C5orf58: variants seen among roughly 807,000 people sequenced by gnomAD.
The protein encoded by C5orf58 is chromosome 5 open reading frame 58.
In C5orf58, 2 loss-of-function variants were observed where a neutral mutation model predicts 2.9. The observed-to-expected ratio is 0.69, with a 90% CI of 0.28 to 2.18. The LOEUF (loss-of-function observed/expected upper bound fraction) is 2.18, where lower values mean the gene tolerates loss of function less well. Among genes scored for constraint, C5orf58 ranks in the 30% most tolerant of loss-of-function variants. The pLI is 0.13. For missense variants in C5orf58, 96 were observed against 91.7 expected (o/e 1.05, Z -0.19); for synonymous variants, 37 against 33.4 (o/e 1.11, Z -0.37).
chr5:170,235,463 C>T (rs1760704733), intron 3 of C5orf58, among the ~76,000 whole-genome samples: 1 of 152,180 alleles, frequency 6.6e-6, no homozygotes, highest in South Asian at 2.1e-4. Context: ...CTTAAAGCTT[C>T]TTCATTTTAA....
chr5:170,244,250 A>T (rs1186512730), intron 3 of C5orf58, among the ~76,000 whole-genome samples: 2 of 145,394 alleles, frequency 1.4e-5, no homozygotes, highest in African/African-American at 5.1e-5. Flanking sequence ...TCTGACAATT[A>T]TGTGTCTTGG....
At position 170,234,245 on chromosome 5, in the gene C5orf58, G is replaced by A. The variant is rs74843794; in HGVS notation, c.-1+47G>A. 4.8e-3 allele frequency: 5,644 copies of A among 1,178,844 alleles called. 232 individuals are homozygous for A. The African/African-American group carries it at 0.08, about 17-fold the overall frequency. 73.0% of individuals were successfully genotyped at this position (1,178,844 alleles called of 1,614,324 possible). On this transcript the variant is annotated intron_variant, in intron 2 of 3. Coordinates refer to ENST00000593851, the MANE Select transcript of C5orf58 (RefSeq NM_001102609.3). ...TGGACAAGCAGCTTGACCCATGACT[G>A]CCCACCTTTCACACTGCTGGAGTTG...
exon 3 of C5orf58, chr5:170,251,810 G>A (rs56860754): frequency 1.2e-5 from 4 of 329,560 alleles, no homozygotes; most frequent in Middle Eastern, 4.0e-4. Flanking sequence ...CCCAGGAATC[G>A]GGATTTTTCA....
intron 3 of C5orf58, among the ~76,000 whole-genome samples, chr5:170,238,877 A>G (rs1026087013): frequency 6.6e-6 from 1 of 152,226 alleles, no homozygotes; most frequent in Admixed American, 6.5e-5. Context: ...TCCCTCTGGA[A>G]GTTACTGAGC....
At chr5:170,244,901 C>T (rs1028109137) in intron 3 of C5orf58, among the ~76,000 whole-genome samples, 50 of 151,820 alleles carry the variant, frequency 3.3e-4, no homozygotes, top group African/African-American at 1.1e-3. Flanking sequence ...TTTTCCCCAT[C>T]TTTGTGGTTT....
chr5:170,243,286 T>C (rs1266691293), intron 3 of C5orf58, among the ~76,000 whole-genome samples: 1 of 144,144 alleles, frequency 6.9e-6, no homozygotes, highest in African/African-American at 2.6e-5. Flanking sequence ...TGTAGATGTC[T>C]ATTAGGTCCG....
In C5orf58 at chr5:170,234,258, A is replaced by G. The variant is rs1760648884; in HGVS notation, c.-1+60A>G. On this transcript the variant is annotated intron_variant, in intron 2 of 3. Transcript: ENST00000593851. ...TGACCCATGACTGCCCACCTTTCACACTGCTGGAGTTGTGTATGCTAATTG... is the reference window on the plus strand; with the variant it reads ...TGACCCATGACTGCCCACCTTTCACGCTGCTGGAGTTGTGTATGCTAATTG... 3 of 1,031,514 alleles carry G rather than the reference A, an allele frequency of 2.9e-6. No homozygotes were observed. The South Asian group carries it at 3.7e-5, about 13-fold the overall frequency. The allele number at this position is 1,031,514 out of a possible 1,614,324, so 63.9% of individuals were successfully genotyped here.
chr5:170,238,287 C>T (rs1338001223), intron 3 of C5orf58, among the ~76,000 whole-genome samples: 1 of 152,070 alleles, frequency 6.6e-6, no homozygotes, highest in Non-Finnish European at 1.5e-5. Flanking sequence ...AAAGGAACTA[C>T]ATACTATAAA....
At chr5:170,248,657 C>G, downstream of C5orf58, 1 of 1,607,512 alleles carries the variant, frequency 6.2e-7, no homozygotes, top group Non-Finnish European at 8.5e-7. Flanking sequence ...GTGTTGGCAA[C>G]AGAGGCAGGA....
chr5:170,240,598 C>T (rs1319721933), intron 3 of C5orf58, among the ~76,000 whole-genome samples: 4 of 151,926 alleles, frequency 2.6e-5, no homozygotes, highest in South Asian at 2.1e-4. Context: ...TGTTCATGTC[C>T]TTCGCCCACT....
downstream of C5orf58, chr5:170,247,592 A>G (rs1457299346): frequency 6.6e-6 from 1 of 152,224 alleles, no homozygotes; most frequent in Non-Finnish European, 1.5e-5. Flanking sequence ...CAGTTTTTTA[A>G]TCTGGCTGAA....
downstream of C5orf58, chr5:170,251,131 A>T: frequency 2.4e-6 from 1 of 413,854 alleles, no homozygotes; most frequent in Non-Finnish European, 4.3e-6. Flanking sequence ...TTCCAAGTCA[A>T]TCTCGTTAAA....
chr5:170,240,648 T>A (rs1421236365), intron 3 of C5orf58, among the ~76,000 whole-genome samples: 1 of 151,770 alleles, frequency 6.6e-6, no homozygotes, highest in African/African-American at 2.4e-5. Flanking sequence ...TAAATTTGTT[T>A]GAGTTCACTG....
chr5:170,244,764 C>G (rs1314618734), intron 3 of C5orf58, among the ~76,000 whole-genome samples: 1 of 152,156 alleles, frequency 6.6e-6, no homozygotes, highest in Non-Finnish European at 1.5e-5. Flanking sequence ...TCGTCTGAAG[C>G]CTTCTTCTCT....
chr5:170,239,671 G>A (rs1373441563), intron 3 of C5orf58, among the ~76,000 whole-genome samples: 1 of 152,130 alleles, frequency 6.6e-6, no homozygotes, highest in Non-Finnish European at 1.5e-5. Context: ...AATCAAATTT[G>A]TATAAATCAA....
intron 3 of C5orf58, chr5:170,237,248 C>T (rs1314510758): frequency 1.0e-5 from 4 of 398,236 alleles, no homozygotes; most frequent in Admixed American, 4.4e-5. Flanking sequence ...ACTCTGTGCA[C>T]CCTCACTTCC....
intron 3 of C5orf58, among the ~76,000 whole-genome samples, chr5:170,238,155 A>G (rs1242654338): frequency 1.3e-5 from 2 of 152,178 alleles, no homozygotes; most frequent in African/African-American, 2.4e-5. Context: ...GGACAAATCT[A>G]ATATTAAAAA....
At chr5:170,252,322 A>C, downstream of C5orf58, 1 of 572,018 alleles carries the variant, frequency 1.7e-6, no homozygotes, top group Non-Finnish European at 3.1e-6. Flanking sequence ...TATTACAGAA[A>C]GCAACAGCAC....
At chr5:170,250,687 TA>T, downstream of C5orf58, 1 of 1,550,990 alleles carries the variant, frequency 6.4e-7, no homozygotes, top group African/African-American at 1.4e-5. Flanking sequence ...CAGAGTGGCA[TA>T]AATAAAGACT....
Sources: allele counts gnomAD v4.1 joint callset (sites outside exome capture counted in the v4.1 genomes callset), GRCh38; gene constraint gnomAD v4.1.1; transcripts MANE v1.5; gene names NCBI Gene and HGNC (gene_info 2026-07-23, HGNC 2026-07-21).